The following TRPM3 variants were observed in gnomAD, a reference collection of about 807,000 sequenced individuals.
TRPM3 encodes transient receptor potential cation channel subfamily M member 3.
Under a neutral mutation model 181.2 loss-of-function variants are expected in TRPM3, and 77 were observed. That is an observed-to-expected ratio of 0.42 (90% CI 0.35 to 0.51). The LOEUF is 0.51. Among genes scored for constraint, TRPM3 ranks in the 20% least tolerant of loss-of-function variants. TRPM3 has a pLI of 0.01. For synonymous variants in TRPM3, 745 were observed against 796.4 expected, an observed-to-expected ratio of 0.94 and a Z score of 1.09; for missense variants, 1,759 against 2,196.7, an observed-to-expected ratio of 0.80 and a Z score of 3.98.
At chr9:71,144,955 A>G (rs1006408798) in intron 1 of TRPM3, among the ~76,000 whole-genome samples, 4 of 152,196 alleles carry the variant, frequency 2.6e-5, no homozygotes, top group African/African-American at 9.6e-5. Context: ...ACCCAGATTT[A>G]TATTTTTGAG....
At position 70,770,226 on chromosome 9, in the gene TRPM3, C is replaced by T. The variant is rs561116704; in HGVS notation, c.1149-8502G>A. Among the ~76,000 whole-genome samples, 8 of 152,266 alleles carry T rather than the reference C, an allele frequency of 5.3e-5. No individual in the cohort carries two copies. The East Asian group carries it at 1.5e-3, about 29-fold the overall frequency. On this transcript the variant is annotated intron_variant, in intron 7 of 25. Transcript: ENST00000677713. ...TTCAAGAAGTGAACTGGCTGCCCAA[C>T]TCAAAAACATATATTTGGTTCTATT...
At chr9:71,044,873 A>G (rs1020252033) in intron 1 of TRPM3, among the ~76,000 whole-genome samples, 45 of 151,666 alleles carry the variant, frequency 3.0e-4, no homozygotes, top group Admixed American at 2.0e-3. Flanking sequence ...GGGTTTCACC[A>G]TGTTAGCCAG....
chr9:71,100,353 A>G (rs945583206), intron 1 of TRPM3, among the ~76,000 whole-genome samples: 9 of 152,142 alleles, frequency 5.9e-5, no homozygotes, highest in African/African-American at 2.2e-4. Context: ...TTGAAAAATT[A>G]GAAGTAAAGG....
rs189822970 is a variant in TRPM3, at chr9:70,972,181, A to T, written c.178-107670T>A. On this transcript the variant is annotated intron_variant, in intron 1 of 25. Coordinates refer to ENST00000677713, the MANE Select transcript of TRPM3 (RefSeq NM_001366145.2). ...CATAATAAAAAATGCAAACTATCCA[A>T]ATGTCTGTCACTTGATATGGTATAC... 2.6e-3 allele frequency among the ~76,000 whole-genome samples: 390 copies of T among 152,280 alleles called. 4 individuals carry two copies. The highest frequency in any genetic ancestry group is 9.0e-3 in the African/African-American group (374 of 41,562).
intron 1 of TRPM3, among the ~76,000 whole-genome samples, chr9:70,901,460 A>G (rs1026478205): frequency 2.0e-5 from 3 of 151,964 alleles, no homozygotes; most frequent in Non-Finnish European, 4.4e-5. Flanking sequence ...TTTTTTTAAC[A>G]AGGTAGGTTA....
At chr9:70,813,719 G>A (rs2092388784) in intron 6 of TRPM3, among the ~76,000 whole-genome samples, 1 of 152,224 alleles carries the variant, frequency 6.6e-6, no homozygotes, top group African/African-American at 2.4e-5. Flanking sequence ...CAGAGAGGCT[G>A]TAGAGCACAG....
intron 1 of TRPM3, among the ~76,000 whole-genome samples, chr9:71,051,981 T>A (rs2060117948): frequency 6.6e-6 from 1 of 152,062 alleles, no homozygotes; most frequent in African/African-American, 2.4e-5. Context: ...TGGCACAGAA[T>A]TTGGCTTCAT....
chr9:71,446,657 G>T, exon 1 of TRPM3: 2 of 1,550,024 alleles, frequency 1.3e-6, no homozygotes, highest in Non-Finnish European at 1.7e-6. Flanking sequence ...ACTCACCGGC[G>T]TCTGCTGCGA....
intron 9 of TRPM3, among the ~76,000 whole-genome samples, chr9:70,654,031 T>C (rs1472621777): frequency 1.3e-5 from 2 of 152,010 alleles, no homozygotes; most frequent in Admixed American, 6.5e-5. Flanking sequence ...GCTCCAAACT[T>C]AGGGGTGGCT....
chr9:71,338,427 A>T (rs2090723777), intron 1 of TRPM3, among the ~76,000 whole-genome samples: 1 of 152,186 alleles, frequency 6.6e-6, no homozygotes, highest in Admixed American at 6.6e-5. Flanking sequence ...GCAGAGAAAC[A>T]TGAAAATATG....
chr9:70,780,590 A>G (rs568507660), intron 7 of TRPM3, among the ~76,000 whole-genome samples: 159 of 152,114 alleles, frequency 1.0e-3, no homozygotes, highest in Middle Eastern at 0.01. Context: ...TTTGGAAATG[A>G]TTTTTAAAAT....
chr9:71,047,618 G>A (rs765152094), intron 1 of TRPM3, among the ~76,000 whole-genome samples: 4 of 152,118 alleles, frequency 2.6e-5, no homozygotes, highest in Non-Finnish European at 5.9e-5. Context: ...TGAACATGTT[G>A]CTCATTCTAT....
chr9:70,938,842 C>G (rs2096855617), intron 1 of TRPM3, among the ~76,000 whole-genome samples: 1 of 151,946 alleles, frequency 6.6e-6, no homozygotes, highest in Admixed American at 6.6e-5. Flanking sequence ...CCTGTAGTCC[C>G]AGCTACTTGG....
rs71367232 is a variant in TRPM3 at position 70,831,962 on chromosome 9, AATAT to A, written c.802-3948_802-3945del. 4.7e-3 allele frequency among the ~76,000 whole-genome samples: 302 copies of A among 64,220 alleles called. 6 individuals carry two copies. The highest frequency in any genetic ancestry group is 0.042 in the South Asian group (76 of 1,812). 42.1% of individuals were successfully genotyped at this position (64,220 alleles called of 152,430 possible). A position where few individuals can be genotyped will look rare whatever the true frequency, so the allele number is the denominator to read the frequency against. Reference sequence around the variant, plus strand: ...ATCAAAACATTTTATGTACCCCATAAATATATATATATATATATATATATATATA... The same window carrying A: ...ATCAAAACATTTTATGTACCCCATAAATATATATATATATATATATATATA... On this transcript the variant is annotated intron_variant, in intron 5 of 25. Coordinates refer to ENST00000677713, the MANE Select transcript of TRPM3 (RefSeq NM_001366145.2).
intron 1 of TRPM3, among the ~76,000 whole-genome samples, chr9:71,100,981 C>A (rs929159818): frequency 1.3e-5 from 2 of 152,226 alleles, no homozygotes; most frequent in South Asian, 4.1e-4. Context: ...ATCATGGTAG[C>A]ATTTTTAATC....
intron 1 of TRPM3, among the ~76,000 whole-genome samples, chr9:71,117,517 T>C (rs1054901161): frequency 2.0e-5 from 3 of 152,102 alleles, no homozygotes; most frequent in Non-Finnish European, 4.4e-5. Flanking sequence ...CCAAGTTGCA[T>C]AGCAGGCTTC....
intron 1 of TRPM3, among the ~76,000 whole-genome samples, chr9:71,101,358 C>G (rs544293200): frequency 6.6e-6 from 1 of 152,128 alleles, no homozygotes; most frequent in Non-Finnish European, 1.5e-5. Flanking sequence ...TTAGTCCTCA[C>G]TGATTTCCTT....
At chr9:70,604,126 T>A (rs2060568376) in intron 19 of TRPM3, among the ~76,000 whole-genome samples, 2 of 152,170 alleles carry the variant, frequency 1.3e-5, no homozygotes, top group South Asian at 4.1e-4. Context: ...AAGGAAAGGG[T>A]CCGTGTGGCC....
chr9:70,982,998 C>G (rs960506641), intron 1 of TRPM3, among the ~76,000 whole-genome samples: 1 of 152,116 alleles, frequency 6.6e-6, no homozygotes, highest in African/African-American at 2.4e-5. Context: ...CACACCTGGC[C>G]AAGTTCTCTA....
Sources: allele counts gnomAD v4.1 joint callset (sites outside exome capture counted in the v4.1 genomes callset), GRCh38; gene constraint gnomAD v4.1.1; transcripts MANE v1.5; gene names NCBI Gene and HGNC (gene_info 2026-07-23, HGNC 2026-07-21).